Variants in TEX36 observed in about 807,000 individuals in gnomAD.
TEX36 encodes the protein testis expressed 36, also known as testis-expressed protein 36.
In TEX36, 12 loss-of-function variants were observed where a neutral mutation model predicts 13.6. The observed-to-expected ratio is 0.88, with a 90% CI of 0.56 to 1.43. The LOEUF (loss-of-function observed/expected upper bound fraction) is 1.43, where lower values mean the gene tolerates loss of function less well. TEX36 is among the 40% of genes most tolerant of loss of function. The pLI is 0.00. For missense variants in TEX36, 224 were observed against 228.3 expected (o/e 0.98, Z 0.12); for synonymous variants, 93 against 83.0 (o/e 1.12, Z -0.65).
At chr10:125,580,204 C>T (rs1016211940) in intron 3 of TEX36, among the ~76,000 whole-genome samples, 6 of 152,162 alleles carry the variant, frequency 3.9e-5, no homozygotes, top group Non-Finnish European at 8.8e-5. Context: ...TGTCTTTAAA[C>T]CATGAAAGGA....
intron 3 of TEX36, among the ~76,000 whole-genome samples, chr10:125,628,491 T>A (rs992972244): frequency 6.6e-6 from 1 of 152,230 alleles, no homozygotes; most frequent in African/African-American, 2.4e-5. Flanking sequence ...TCTTTTGGAA[T>A]AGATGAGCAT....
At chr10:125,655,101 A>T (rs926673520), downstream of TEX36, among the ~76,000 whole-genome samples, 3 of 152,216 alleles carry the variant, frequency 2.0e-5, no homozygotes, top group African/African-American at 7.2e-5. Flanking sequence ...AAATCAGTCT[A>T]TTCTTATAAC....
intron 3 of TEX36, among the ~76,000 whole-genome samples, chr10:125,581,817 C>T (rs1007316726): frequency 6.6e-6 from 1 of 152,206 alleles, no homozygotes; most frequent in Non-Finnish European, 1.5e-5. Context: ...GAGCTCACAC[C>T]TCCCAACCCA....
At chr10:125,613,122 T>A (rs532929612) in intron 3 of TEX36, among the ~76,000 whole-genome samples, 1 of 151,272 alleles carries the variant, frequency 6.6e-6, no homozygotes, top group Non-Finnish European at 1.5e-5. Context: ...CCCGCCCGAC[T>A]GTCAGGAAAG....
At chr10:125,605,569 C>A (rs1402751231) in intron 3 of TEX36, among the ~76,000 whole-genome samples, 2 of 152,090 alleles carry the variant, frequency 1.3e-5, no homozygotes. Flanking sequence ...AATGAAGAAA[C>A]TTTCTGGGTC....
rs564491714 is a variant in TEX36 at position 125,671,721 on chromosome 10, T to G, written c.52-9744A>C. Among the ~76,000 whole-genome samples, 9 of 152,360 alleles carry G rather than the reference T, an allele frequency of 5.9e-5. No homozygotes were observed. In the South Asian group the frequency reaches 1.9e-3, roughly 32 times the overall value. On this transcript the variant is annotated intron_variant, in intron 1 of 3. Coordinates refer to ENST00000368821, the MANE Select transcript of TEX36 (RefSeq NM_001128202.3). ...AGGAGAAATGATACCAGCTCTTTTT[T>G]GTACCTCTGGTAGAATTCAGCTGTA...
At chr10:125,671,163 T>C (rs1315952872) in intron 1 of TEX36, among the ~76,000 whole-genome samples, 1 of 152,204 alleles carries the variant, frequency 6.6e-6, no homozygotes, top group African/African-American at 2.4e-5. Flanking sequence ...AACTTCCAAA[T>C]ACTTTGTTGA....
At chr10:125,655,405 A>G (rs1285121127), downstream of TEX36, among the ~76,000 whole-genome samples, 3 of 152,250 alleles carry the variant, frequency 2.0e-5, no homozygotes, top group Admixed American at 6.5e-5. Flanking sequence ...AGATGGTGCC[A>G]CTGCACTCCA....
At chr10:125,582,791 G>A (rs756998725) in intron 3 of TEX36, among the ~76,000 whole-genome samples, 1 of 152,078 alleles carries the variant, frequency 6.6e-6, no homozygotes, top group Admixed American at 6.6e-5. Flanking sequence ...TTTTAAAAAA[G>A]CAATTTGCAT....
At chr10:125,666,865 A>G (rs1177430273) in intron 1 of TEX36, 4 of 363,164 alleles carry the variant, frequency 1.1e-5, no homozygotes, top group Non-Finnish European at 2.1e-5. Context: ...CAGCCGGGGA[A>G]CACCTCCACT....
intron 3 of TEX36, among the ~76,000 whole-genome samples, chr10:125,658,115 A>G (rs150131912): frequency 1.6e-4 from 25 of 152,322 alleles, no homozygotes; most frequent in Admixed American, 9.8e-4. Flanking sequence ...TCTCATATAA[A>G]GAAATAGATT....
intron 3 of TEX36, among the ~76,000 whole-genome samples, chr10:125,585,320 G>A (rs528083391): frequency 6.6e-6 from 1 of 152,158 alleles, no homozygotes; most frequent in Non-Finnish European, 1.5e-5. Context: ...AGCAGGTCAA[G>A]AGTCACCCCC....
intron 3 of TEX36, among the ~76,000 whole-genome samples, chr10:125,612,272 T>C (rs1311082001): frequency 7.2e-6 from 1 of 138,740 alleles, no homozygotes; most frequent in Non-Finnish European, 1.6e-5. Flanking sequence ...TTAGTAGAGA[T>C]AGGATTTCAC....
At chr10:125,672,828 A>G (rs1047248638) in intron 1 of TEX36, among the ~76,000 whole-genome samples, 7 of 152,184 alleles carry the variant, frequency 4.6e-5, no homozygotes, top group African/African-American at 1.4e-4. Context: ...GTGCATATAT[A>G]TTTAGGATAG....
At chr10:125,623,774 T>G (rs1041715358) in intron 3 of TEX36, among the ~76,000 whole-genome samples, 1 of 152,206 alleles carries the variant, frequency 6.6e-6, no homozygotes, top group Non-Finnish European at 1.5e-5. Flanking sequence ...TCAGCAAATA[T>G]GTACCCAGGG....
intron 3 of TEX36, among the ~76,000 whole-genome samples, chr10:125,603,794 T>C (rs1290659757): frequency 1.3e-5 from 2 of 151,848 alleles, no homozygotes; most frequent in African/African-American, 4.8e-5. Flanking sequence ...TCCTGCAGTC[T>C]GAGATGATAC....
At chr10:125,636,767 G>A (rs552031909) in intron 3 of TEX36, among the ~76,000 whole-genome samples, 150 of 152,242 alleles carry the variant, frequency 9.9e-4, no homozygotes, top group African/African-American at 3.3e-3. Flanking sequence ...GTACTTGTGT[G>A]TGGGTGAGCT....
intron 2 of TEX36, 119 bp downstream of exon 2, chr10:125,661,727 C>G (rs1847046047): frequency 7.4e-7 from 1 of 1,346,622 alleles, no homozygotes; most frequent in Non-Finnish European, 1.0e-6. Flanking sequence ...CTTAGGGGTC[C>G]AAGGATAGTA....
At chr10:125,645,017 CACAAGGAACT>C (rs1250485720) in intron 3 of TEX36, among the ~76,000 whole-genome samples, 12 of 152,108 alleles carry the variant, frequency 7.9e-5, no homozygotes, top group Admixed American at 7.9e-4. Flanking sequence ...GTCCTCTAAC[CACAAGGAACT>C]GAATTGTGCC....
Sources: allele counts gnomAD v4.1 joint callset (sites outside exome capture counted in the v4.1 genomes callset), GRCh38; gene constraint gnomAD v4.1.1; transcripts MANE v1.5; gene names NCBI Gene and HGNC (gene_info 2026-07-23, HGNC 2026-07-21).